CSF2RA: variants seen among roughly 807,000 people sequenced by gnomAD.
CSF2RA encodes the protein granulocyte-macrophage colony-stimulating factor receptor subunit alpha.
CSF2RA carries 42 observed loss-of-function variants against 51.6 expected under a neutral mutation model. The observed-to-expected ratio is 0.81, with a 90% CI of 0.64 to 1.05. CSF2RA has a LOEUF of 1.05. Among genes scored for constraint, CSF2RA ranks in the 50% least tolerant of loss-of-function variants. The pLI is 0.00. For missense variants in CSF2RA, 530 were observed against 501.1 expected (o/e 1.06, Z -0.55); for synonymous variants, 222 against 193.0 (o/e 1.15, Z -1.24).
rs576782704 is a variant in CSF2RA at position 1,288,123 on chromosome X, C to T, written c.220-396C>T. ...ATTCAGCGTATCCACTCAGAGCCCTCGGAGGAAGCTTAGGGGGATGATTTC... is the reference window on the plus strand; with the variant it reads ...ATTCAGCGTATCCACTCAGAGCCCTTGGAGGAAGCTTAGGGGGATGATTTC... On this transcript the variant is annotated intron_variant, in intron 4 of 12. Coordinates refer to ENST00000381529, the MANE Select transcript of CSF2RA (RefSeq NM_172245.4). Among the ~76,000 whole-genome samples the T allele has an allele frequency of 5.9e-5, 9 of 152,110 alleles. No individual in the cohort carries two copies. The South Asian group carries it at 1.0e-3, about 18-fold the overall frequency.
At chrX:1,293,610 C>T (rs28489550) in intron 7 of CSF2RA, among the ~76,000 whole-genome samples, 23 of 133,692 alleles carry the variant, frequency 1.7e-4, no homozygotes, top group African/African-American at 2.5e-4. Context: ...AGGAGGAGAC[C>T]CTGCCCCACC....
rs1402093834 is a variant in CSF2RA, at chrX:1,309,871, G to C, written c.*392G>C. The C allele has an allele frequency of 1.0e-5, 6 of 588,808 alleles. No individual in the cohort carries two copies. The highest frequency in any genetic ancestry group is 3.7e-5 in the African/African-American group (2 of 53,740). 36.5% of individuals were successfully genotyped at this position (588,808 alleles called of 1,614,324 possible). On this transcript the variant is annotated 3_prime_UTR_variant, in exon 13 of 13. Transcript: ENST00000381529. ...CCATTGCACACCAACCTGCGTGACA[G>C]AGCAAGATTGCATCTCAAAACAAAC...
At chrX:1,314,582 ACCC>A (rs2084419694), downstream of CSF2RA, among the ~76,000 whole-genome samples, 2 of 52,754 alleles carry the variant, frequency 3.8e-5, no homozygotes, top group Non-Finnish European at 7.8e-5. Context: ...CACCTGCCCA[ACCC>A]CACTGCACCT....
chrX:1,276,748 G>A (rs1435729041), intron 2 of CSF2RA, among the ~76,000 whole-genome samples: 1 of 151,932 alleles, frequency 6.6e-6, no homozygotes, highest in African/African-American at 2.4e-5. Flanking sequence ...TTTTAAAGTG[G>A]CATATACTGA....
rs769275092 is a variant in CSF2RA, at chrX:1,286,054, C to A, written c.219+134C>A. The A allele has an allele frequency of 7.0e-4, 651 of 931,916 alleles. 4 individuals are homozygous for A. In the African/African-American group the frequency reaches 9.1e-3, roughly 13 times the overall value. The allele number at this position is 931,916 out of a possible 1,614,324, so 57.7% of individuals were successfully genotyped here. The stretch of plus-strand genomic sequence containing the variant: ...TTGGGAGGCTGAGGTGGGCGGATCA[C>A]CTGAGGTCGGGAGTTCAAGACCAGC... On this transcript the variant is annotated intron_variant, in intron 4 of 12. Transcript: ENST00000381529.
rs761918932 is a variant in CSF2RA at position 1,303,947 on chromosome X, CTG to C, written c.975_976del (p.Tyr326HisfsTer21). The C allele has an allele frequency of 6.2e-7, 1 of 1,613,574 alleles. No individual in the cohort carries two copies. Among genetic ancestry groups the C allele is most frequent in the Non-Finnish European group, 8.5e-7 (1 of 1,179,796 alleles). On this transcript the variant is annotated frameshift_variant, in exon 11 of 13. Coordinates refer to ENST00000381529, the MANE Select transcript of CSF2RA (RefSeq NM_172245.4). LOFTEE classifies it high-confidence loss of function. ...GGTTCTGACGACGGGAACCTCGGCT[CTG>C]TGTACATTTATGTGCTCCTAATCGT... is the stretch of plus-strand genomic sequence containing the variant.
chrX:1,315,758 GAT>G, the CSF2RA span, among the ~76,000 whole-genome samples: 2 of 148,090 alleles, frequency 1.4e-5, no homozygotes, highest in African/African-American at 5.0e-5. Context: ...ATAGAAAATA[GAT>G]AAAATAGATA....
In CSF2RA at chrX:1,283,473, CCTCT is replaced by C. The variant is rs369929534; in HGVS notation, c.76+705_76+708del. Among the ~76,000 whole-genome samples, 217 of 143,286 alleles carry C rather than the reference CCTCT, an allele frequency of 1.5e-3. 4 individuals are homozygous for C. In the South Asian group the frequency reaches 0.041, roughly 27 times the overall value. The allele number at this position is 143,286 out of a possible 152,430, so 94.0% of individuals were successfully genotyped here. A position where few individuals can be genotyped will look rare whatever the true frequency, so the allele number is the denominator to read the frequency against. ...CTTTCCTTCCTTCCCTCCCTCCCTC[CCTCT>C]CTCTCTCTCTTTCTTTCTTTCTTTC... On this transcript the variant is annotated intron_variant, in intron 3 of 12. Transcript: ENST00000381529.
chrX:1,311,227 C>T (rs1384420694), downstream of CSF2RA, among the ~76,000 whole-genome samples: 1 of 149,274 alleles, frequency 6.7e-6, no homozygotes. Flanking sequence ...CCAGCCTGGG[C>T]AACAGAGTTA....
At chrX:1,314,967 A>ACTGCATCTGCCCAACCACT (rs2084498884), downstream of CSF2RA, among the ~76,000 whole-genome samples, 3 of 105,230 alleles carry the variant, frequency 2.9e-5, no homozygotes, top group African/African-American at 1.0e-4. Flanking sequence ...GCCCAACCCC[A>ACTGCATCTGCCCAACCACT]CTGTGCCTGC....
chrX:1,309,665 T>G lies in CSF2RA; in HGVS notation c.*186T>G, dbSNP rs1207669064. Reference sequence around the variant, plus strand: ...ACTTTGGGAGGCCAAGGCAGGCGGATCACCTGAGGTCAGGAGTTCAAGACC... The same window carrying G: ...ACTTTGGGAGGCCAAGGCAGGCGGAGCACCTGAGGTCAGGAGTTCAAGACC... On this transcript the variant is annotated 3_prime_UTR_variant, in exon 13 of 13. Transcript: ENST00000381529. 3 of 1,336,434 alleles carry G rather than the reference T, an allele frequency of 2.2e-6. No homozygotes were observed. The South Asian group carries it at 3.5e-5, about 16-fold the overall frequency. 82.8% of individuals were successfully genotyped at this position (1,336,434 alleles called of 1,614,324 possible). A position where few individuals can be genotyped will look rare whatever the true frequency, so the allele number is the denominator to read the frequency against.
At chrX:1,313,818 A>G (rs111483124), downstream of CSF2RA, among the ~76,000 whole-genome samples, 26,573 of 151,330 alleles carry the variant, frequency 0.18, 3,336 homozygotes, top group East Asian at 0.44. Context: ...GTGAAACTCC[A>G]TCTCTGCTAA....
At chrX:1,300,235 A>C (rs1484399510) in intron 9 of CSF2RA, 1 of 324,948 alleles carries the variant, frequency 3.1e-6, no homozygotes, top group African/African-American at 6.0e-5. Flanking sequence ...TAAATAAATA[A>C]AATAAAATAA....
At position 1,309,674 on chromosome X, in the gene CSF2RA, G is replaced by A; in HGVS notation, c.*195G>A. The A allele has an allele frequency of 7.8e-7, 1 of 1,281,164 alleles. No homozygotes were observed. The highest frequency in any genetic ancestry group is 1.1e-6 in the Non-Finnish European group (1 of 879,186). 79.4% of individuals were successfully genotyped at this position (1,281,164 alleles called of 1,614,324 possible). ...GGCCAAGGCAGGCGGATCACCTGAG[G>A]TCAGGAGTTCAAGACCAGCCTGCCC... is the stretch of plus-strand genomic sequence containing the variant. On this transcript the variant is annotated 3_prime_UTR_variant, in exon 13 of 13. Coordinates refer to ENST00000381529, the MANE Select transcript of CSF2RA (RefSeq NM_172245.4).
chrX:1,301,263 T>C (rs61414546), intron 10 of CSF2RA, among the ~76,000 whole-genome samples: 5,086 of 105,482 alleles, frequency 0.048, 164 homozygotes, highest in African/African-American at 0.12. Flanking sequence ...ACCCGGGAGG[T>C]GGAGGTTGCA....
intron 11 of CSF2RA, 52 bp downstream of exon 11, chrX:1,304,071 G>C (rs1278807706): frequency 6.9e-7 from 1 of 1,448,044 alleles, no homozygotes; most frequent in South Asian, 1.1e-5. Context: ...CAGGCCGGGA[G>C]GAAAGCGCTT....
intron 2 of CSF2RA, among the ~76,000 whole-genome samples, chrX:1,280,028 G>A (rs1214491263): frequency 1.3e-5 from 2 of 152,036 alleles, no homozygotes; most frequent in African/African-American, 2.4e-5. Flanking sequence ...GACCTCAGGC[G>A]ATCCGCCTGC....
chrX:1,275,089 A>C (rs1432212634), intron 2 of CSF2RA, among the ~76,000 whole-genome samples: 1,382 of 22,886 alleles, frequency 0.06, 26 homozygotes, highest in African/African-American at 0.097. Context: ...TGAACCTGTC[A>C]AAAAAAAAAA....
chrX:1,321,740 A>G, the CSF2RA span, among the ~76,000 whole-genome samples: 3 of 152,184 alleles, frequency 2.0e-5, no homozygotes, highest in Non-Finnish European at 4.4e-5. Flanking sequence ...AAAAAGGCAG[A>G]ACCCCGCTTC....
Sources: allele counts gnomAD v4.1 joint callset (sites outside exome capture counted in the v4.1 genomes callset), GRCh38; gene constraint gnomAD v4.1.1; transcripts MANE v1.5; gene names NCBI Gene and HGNC (gene_info 2026-07-23, HGNC 2026-07-21).